The following ITGBL1 variants were observed in gnomAD, a reference collection of about 807,000 sequenced individuals.
ITGBL1 encodes the protein integrin subunit beta like 1.
In ITGBL1, 51 loss-of-function variants were observed where a neutral mutation model predicts 68.5. The ratio of observed to expected loss-of-function variants is 0.74; its 90% CI spans 0.59 to 0.94. The LOEUF (loss-of-function observed/expected upper bound fraction) is 0.94. Among genes scored for constraint, ITGBL1 ranks in the 40% least tolerant of loss-of-function variants. ITGBL1 has a pLI of 0.00. For missense variants in ITGBL1, 649 were observed against 647.4 expected, an observed-to-expected ratio of 1.00 and a Z score of -0.03; for synonymous variants, 209 against 227.3, an observed-to-expected ratio of 0.92 and a Z score of 0.72.
Position 101,571,156 on chromosome 13 carries a change from A to C in ITGBL1, c.463+3311A>C, listed in dbSNP as rs193183294. Among the ~76,000 whole-genome samples, 38 of 152,244 alleles carry C rather than the reference A, an allele frequency of 2.5e-4. No homozygotes were observed. In the East Asian group the frequency reaches 7.2e-3, roughly 29 times the overall value. On this transcript the variant is annotated intron_variant, in intron 3 of 10. Coordinates refer to ENST00000376180, the MANE Select transcript of ITGBL1 (RefSeq NM_004791.3). Reference sequence around the variant, plus strand: ...CCATATTTGCATGTCCCATTTTCACAGGGAGAACCCTGGCTCCCAATACCA... The same window carrying C: ...CCATATTTGCATGTCCCATTTTCACCGGGAGAACCCTGGCTCCCAATACCA...
At chr13:101,622,008 T>C (rs944315692) in intron 7 of ITGBL1, among the ~76,000 whole-genome samples, 1 of 152,216 alleles carries the variant, frequency 6.6e-6, no homozygotes, top group Admixed American at 6.5e-5. Flanking sequence ...TTTTAATACA[T>C]TTAAGATAGT....
chr13:101,560,318 A>C (rs1181993158), intron 2 of ITGBL1, among the ~76,000 whole-genome samples: 1 of 152,222 alleles, frequency 6.6e-6, no homozygotes, highest in African/African-American at 2.4e-5. Context: ...TTTGGAATTT[A>C]CATATTTGAA....
chr13:101,560,530 T>C (rs2050082243), intron 2 of ITGBL1, among the ~76,000 whole-genome samples: 1 of 152,210 alleles, frequency 6.6e-6, no homozygotes, highest in South Asian at 2.1e-4. Flanking sequence ...ACAATCAGAT[T>C]TTTAAATTTG....
At chr13:101,482,407 AAT>A (rs2048638699) in intron 2 of ITGBL1, among the ~76,000 whole-genome samples, 1 of 152,010 alleles carries the variant, frequency 6.6e-6, no homozygotes, top group Non-Finnish European at 1.5e-5. Flanking sequence ...TATTTGTAAA[AAT>A]AGTTTCCATT....
chr13:101,712,737 T>C (rs1027081792), intron 9 of ITGBL1: 3 of 152,172 alleles, frequency 2.0e-5, no homozygotes, highest in African/African-American at 7.2e-5. Flanking sequence ...TATATCACTA[T>C]CCATTTGTTA....
intron 7 of ITGBL1, among the ~76,000 whole-genome samples, chr13:101,630,257 T>C: frequency 6.6e-6 from 1 of 152,312 alleles, no homozygotes; most frequent in Middle Eastern, 3.4e-3. Flanking sequence ...CCTTTGTTAT[T>C]TAAAATAAGT....
intron 8 of ITGBL1, among the ~76,000 whole-genome samples, chr13:101,703,565 A>G (rs2034184513): frequency 6.6e-6 from 1 of 152,222 alleles, no homozygotes. Context: ...TACGAGCCAG[A>G]GTATTGGAGA....
chr13:101,472,710 A>T (rs192070210), intron 2 of ITGBL1, among the ~76,000 whole-genome samples: 11 of 152,246 alleles, frequency 7.2e-5, no homozygotes, highest in African/African-American at 2.4e-4. Context: ...CTTAATGCAG[A>T]GGGTTGTTTC....
intron 2 of ITGBL1, among the ~76,000 whole-genome samples, chr13:101,496,104 G>T (rs892766365): frequency 1.3e-5 from 2 of 152,016 alleles, no homozygotes; most frequent in Non-Finnish European, 2.9e-5. Context: ...CTCCAGAGTT[G>T]CTATTTCTTA....
At chr13:101,602,991 C>G (rs1460300898) in intron 7 of ITGBL1, among the ~76,000 whole-genome samples, 1 of 151,916 alleles carries the variant, frequency 6.6e-6, no homozygotes, top group Non-Finnish European at 1.5e-5. Flanking sequence ...GGCATTTGGA[C>G]ATAGGATTTC....
chr13:101,524,118 CTTTTTTTTTAA>C (rs1234276889), intron 2 of ITGBL1, among the ~76,000 whole-genome samples: 1 of 137,098 alleles, frequency 7.3e-6, no homozygotes, highest in Non-Finnish European at 1.6e-5. Context: ...GAAAAACAAA[CTTTTTTTTTAA>C]TTTTTTTTTT....
chr13:101,627,684 C>G (rs1301178096), intron 7 of ITGBL1, among the ~76,000 whole-genome samples: 1 of 152,086 alleles, frequency 6.6e-6, no homozygotes, highest in African/African-American at 2.4e-5. Context: ...TTTGCATTTT[C>G]CAGAGTGTCA....
chr13:101,584,116 A>G (rs1421591578), intron 6 of ITGBL1, among the ~76,000 whole-genome samples: 1 of 152,218 alleles, frequency 6.6e-6, no homozygotes, highest in Non-Finnish European at 1.5e-5. Context: ...ATCAATTAGT[A>G]GATTCAAAAA....
intron 7 of ITGBL1, among the ~76,000 whole-genome samples, chr13:101,605,193 T>G (rs186605837): frequency 2.1e-4 from 24 of 114,932 alleles, no homozygotes; most frequent in African/African-American, 6.1e-4. Context: ...GACATAGGCA[T>G]GTGTGTATAT....
At chr13:101,610,250 T>G (rs912553193) in intron 7 of ITGBL1, among the ~76,000 whole-genome samples, 1 of 152,186 alleles carries the variant, frequency 6.6e-6, no homozygotes, top group African/African-American at 2.4e-5. Flanking sequence ...GGAAACAATT[T>G]GCTCTGGTTA....
At chr13:101,648,784 A>G (rs2032647042) in intron 7 of ITGBL1, among the ~76,000 whole-genome samples, 1 of 152,188 alleles carries the variant, frequency 6.6e-6, no homozygotes, top group Non-Finnish European at 1.5e-5. Context: ...AAAAATTTCA[A>G]AAATTGATCT....
At chr13:101,640,525 A>G (rs186758367) in intron 7 of ITGBL1, among the ~76,000 whole-genome samples, 9 of 152,248 alleles carry the variant, frequency 5.9e-5, no homozygotes, top group Admixed American at 3.3e-4. Context: ...CTAGAAGTCT[A>G]TTTTACCTTT....
intron 7 of ITGBL1, among the ~76,000 whole-genome samples, chr13:101,681,880 T>C (rs1451769301): frequency 6.7e-6 from 1 of 149,058 alleles, no homozygotes; most frequent in Non-Finnish European, 1.5e-5. Flanking sequence ...AGGGAGGGAG[T>C]AGAGGATCAA....
At chr13:101,503,652 G>A (rs997664642) in intron 2 of ITGBL1, among the ~76,000 whole-genome samples, 7 of 152,286 alleles carry the variant, frequency 4.6e-5, no homozygotes, top group Middle Eastern at 3.4e-3. Flanking sequence ...CGAAAAATGA[G>A]GAACCACTGA....
Sources: allele counts gnomAD v4.1 joint callset (sites outside exome capture counted in the v4.1 genomes callset), GRCh38; gene constraint gnomAD v4.1.1; transcripts MANE v1.5; gene names NCBI Gene and HGNC (gene_info 2026-07-23, HGNC 2026-07-21).